The following HPSE2 variants were observed in gnomAD, a reference collection of about 807,000 sequenced individuals.
HPSE2 encodes inactive heparanase-2.
In HPSE2, 38 loss-of-function variants were observed where a neutral mutation model predicts 60.5. That is an observed-to-expected ratio of 0.63 (90% CI 0.48 to 0.82). The LOEUF is 0.82. Ranked by LOEUF, HPSE2 falls within the 40% of genes least tolerant of loss-of-function variation. The probability of loss-of-function intolerance (pLI) is 0.00; values close to 1 mark genes in which losing one functional copy is unlikely to be tolerated. For synonymous variants in HPSE2, 295 were observed against 293.2 expected, an observed-to-expected ratio of 1.01 and a Z score of -0.06; for missense variants, 713 against 740.4, an observed-to-expected ratio of 0.96 and a Z score of 0.43.
chr10:98,933,277 A>C (rs1954691984), intron 3 of HPSE2, among the ~76,000 whole-genome samples: 2 of 143,876 alleles, frequency 1.4e-5, no homozygotes, highest in South Asian at 4.2e-4. Flanking sequence ...TGTGGTTTTG[A>C]GTGGGCTTTT....
At chr10:99,144,507 A>G (rs1845980033) in intron 2 of HPSE2, 108 bp from the exon 3 acceptor site, 1 of 1,305,816 alleles carries the variant, frequency 7.7e-7, no homozygotes, top group Admixed American at 2.0e-5. Flanking sequence ...ATAAGCTACC[A>G]GCATTTTCAT....
chr10:99,065,346 G>T (rs1195433368), intron 3 of HPSE2, among the ~76,000 whole-genome samples: 3 of 152,026 alleles, frequency 2.0e-5, no homozygotes, highest in Non-Finnish European at 4.4e-5. Context: ...CTTTGGTGCT[G>T]CTTTCCAAGA....
chr10:98,688,386 T>A (rs1438946808), intron 6 of HPSE2, among the ~76,000 whole-genome samples: 3 of 151,822 alleles, frequency 2.0e-5, no homozygotes, highest in East Asian at 3.8e-4. Flanking sequence ...CCATTTCCAA[T>A]GCTCTTCATT....
rs1370161601 is a variant in HPSE2 at position 98,726,203 on chromosome 10, C to T, written c.785-4375G>A. On this transcript the variant is annotated intron_variant, in intron 4 of 11. Coordinates refer to ENST00000370552, the MANE Select transcript of HPSE2 (RefSeq NM_021828.5). The stretch of plus-strand genomic sequence containing the variant: ...ATGCACACGTATGTTTATTGTGGCA[C>T]TATTCACAATAGCAAAGACTTGGAA... 3.3e-5 allele frequency among the ~76,000 whole-genome samples: 5 copies of T among 152,126 alleles called. No homozygotes were observed. In the East Asian group the frequency reaches 9.7e-4, roughly 29 times the overall value.
chr10:98,935,599 AG>A (rs1208934773), intron 3 of HPSE2, among the ~76,000 whole-genome samples: 1 of 144,144 alleles, frequency 6.9e-6, no homozygotes, highest in Admixed American at 6.9e-5. Flanking sequence ...CCTGTTTGCC[AG>A]GGTATCACCA....
At chr10:99,313,240 C>T in the HPSE2 span, among the ~76,000 whole-genome samples, 67 of 152,252 alleles carry the variant, frequency 4.4e-4, no homozygotes, top group Middle Eastern at 3.4e-3. Context: ...CATGGGAGGA[C>T]TACATATCCA....
chr10:98,592,737 G>A (rs577750429), intron 9 of HPSE2, among the ~76,000 whole-genome samples: 5 of 152,242 alleles, frequency 3.3e-5, no homozygotes, highest in Admixed American at 3.3e-4. Flanking sequence ...CATTACATTT[G>A]GCAAGCTACC....
At chr10:98,847,978 C>A (rs1326079810) in intron 3 of HPSE2, among the ~76,000 whole-genome samples, 5 of 152,172 alleles carry the variant, frequency 3.3e-5, no homozygotes, top group Non-Finnish European at 7.4e-5. Flanking sequence ...ACTTTATGCA[C>A]TAGCTAGATG....
chr10:98,949,891 C>T (rs1261139778), intron 3 of HPSE2, among the ~76,000 whole-genome samples: 1 of 152,042 alleles, frequency 6.6e-6, no homozygotes, highest in Admixed American at 6.6e-5. Flanking sequence ...GAAAACAGAA[C>T]AGGAAGGCAG....
chr10:98,645,381 A>C (rs1946740887), intron 6 of HPSE2, among the ~76,000 whole-genome samples: 1 of 152,208 alleles, frequency 6.6e-6, no homozygotes, highest in Admixed American at 6.5e-5. Context: ...CAAGAGAATA[A>C]GGGAAATTAA....
chr10:98,672,905 G>C (rs1416270833), intron 6 of HPSE2, among the ~76,000 whole-genome samples: 1 of 152,162 alleles, frequency 6.6e-6, no homozygotes, highest in East Asian at 1.9e-4. Context: ...AGTTTGAAAA[G>C]TGTTGCTTGC....
intron 2 of HPSE2, among the ~76,000 whole-genome samples, chr10:99,168,087 T>TAC (rs56393224): frequency 0.049 from 7,092 of 144,616 alleles, 265 homozygotes; most frequent in African/African-American, 0.11. Flanking sequence ...TCAGCCTATT[T>TAC]ACACACACAC....
chr10:98,502,086 T>C (rs563195379), intron 9 of HPSE2, among the ~76,000 whole-genome samples: 56 of 152,304 alleles, frequency 3.7e-4, no homozygotes, highest in African/African-American at 1.3e-3. Context: ...TACTCATGGA[T>C]GGGTAGAGTC....
chr10:98,740,177 T>C (rs1208876304), intron 4 of HPSE2, among the ~76,000 whole-genome samples: 2 of 70,664 alleles, frequency 2.8e-5, no homozygotes, highest in African/African-American at 9.1e-5. Flanking sequence ...TCTTTTCTTT[T>C]GTCTTTTTTT....
the HPSE2 span, among the ~76,000 whole-genome samples, chr10:99,312,009 A>T: frequency 6.6e-6 from 1 of 152,256 alleles, no homozygotes; most frequent in Non-Finnish European, 1.5e-5. Context: ...AGCCTAATCC[A>T]GAGCAAGGCC....
intron 2 of HPSE2, among the ~76,000 whole-genome samples, chr10:99,187,449 A>G (rs1848069824): frequency 6.6e-6 from 1 of 152,250 alleles, no homozygotes; most frequent in African/African-American, 2.4e-5. Context: ...ACACTTTAAG[A>G]AAATGAAAAG....
chr10:99,034,403 A>G (rs1957564528), intron 3 of HPSE2, among the ~76,000 whole-genome samples: 2 of 152,154 alleles, frequency 1.3e-5, no homozygotes, highest in Admixed American at 1.3e-4. Context: ...GAATAATAGA[A>G]CTGTTCTATA....
chr10:99,016,619 G>T (rs1481185404), intron 3 of HPSE2, among the ~76,000 whole-genome samples: 1 of 152,094 alleles, frequency 6.6e-6, no homozygotes, highest in East Asian at 1.9e-4. Context: ...ATTGCTTTCG[G>T]CAATATGGCC....
intron 3 of HPSE2, among the ~76,000 whole-genome samples, chr10:98,862,903 G>A (rs1161730169): frequency 6.6e-6 from 1 of 152,110 alleles, no homozygotes; most frequent in Non-Finnish European, 1.5e-5. Context: ...TGGGACTGTG[G>A]GCATGTACCA....
Sources: allele counts gnomAD v4.1 joint callset (sites outside exome capture counted in the v4.1 genomes callset), GRCh38; gene constraint gnomAD v4.1.1; transcripts MANE v1.5; gene names NCBI Gene and HGNC (gene_info 2026-07-23, HGNC 2026-07-21).